PCBP3: variants seen among roughly 807,000 people sequenced by gnomAD.
The protein encoded by PCBP3 is poly(rC)-binding protein 3.
In PCBP3, 25 loss-of-function variants were observed where a neutral mutation model predicts 52.7. That is an observed-to-expected ratio of 0.47 (90% CI 0.35 to 0.66). PCBP3 has a LOEUF of 0.66. PCBP3 is among the 30% of genes least tolerant of loss of function. PCBP3 has a pLI of 0.01. For missense variants in PCBP3, 391 were observed against 490.3 expected (o/e 0.80, Z 1.91); for synonymous variants, 162 against 183.0 (o/e 0.89, Z 0.93).
intron 9 of PCBP3, among the ~76,000 whole-genome samples, chr21:45,908,688 G>A (rs1381776793): frequency 1.3e-5 from 2 of 152,132 alleles, no homozygotes; most frequent in African/African-American, 2.4e-5. Flanking sequence ...AGCGAGCTCC[G>A]GGCCACAGCC....
chr21:45,734,237 G>T (rs1342248298), intron 2 of PCBP3, among the ~76,000 whole-genome samples: 2 of 152,174 alleles, frequency 1.3e-5, no homozygotes, highest in African/African-American at 4.8e-5. Flanking sequence ...CAGCCTAGTT[G>T]TTGGGAGTAG....
intron 2 of PCBP3, among the ~76,000 whole-genome samples, chr21:45,721,584 C>T (rs2084645984): frequency 6.6e-6 from 1 of 152,062 alleles, no homozygotes; most frequent in Admixed American, 6.6e-5. Context: ...TTATTAGGTT[C>T]ATTTTAAAGT....
intron 9 of PCBP3, among the ~76,000 whole-genome samples, chr21:45,906,176 C>T (rs967651913): frequency 2.6e-5 from 4 of 152,194 alleles, no homozygotes; most frequent in Non-Finnish European, 5.9e-5. Flanking sequence ...CTAGCGGCAG[C>T]CCTGGAGGGG....
chr21:45,912,714 TG>T (rs548458021), intron 11 of PCBP3, among the ~76,000 whole-genome samples: 89 of 152,124 alleles, frequency 5.9e-4, no homozygotes, highest in Non-Finnish European at 9.6e-4. Context: ...TGTGCCTGGG[TG>T]GGGGTCGAGG....
rs113673500 is a variant in PCBP3, at chr21:45,650,903, C to A, written c.-279+7035C>A. On this transcript the variant is annotated intron_variant, in intron 1 of 17. Coordinates refer to ENST00000681687, the MANE Select transcript of PCBP3 (RefSeq NM_001384156.1). ...GCCAGAAGGAGTCATTCTGGCCATA[C>A]CTAATTTCAGATGGGGCGGGGTGGT... 2.6e-3 allele frequency among the ~76,000 whole-genome samples: 399 copies of A among 152,274 alleles called. 3 individuals are homozygous for A. The highest frequency in any genetic ancestry group is 9.0e-3 in the African/African-American group (376 of 41,550).
intron 3 of PCBP3, among the ~76,000 whole-genome samples, 200 bp from the exon 4 acceptor site, chr21:45,755,217 G>A (rs1331547586): frequency 2.0e-5 from 3 of 152,122 alleles, no homozygotes; most frequent in Non-Finnish European, 2.9e-5. Context: ...TTTTGACTCT[G>A]CTTTATCCCT....
rs572487659 is a variant in PCBP3 at position 45,737,634 on chromosome 21, C to T, written c.-162+2205C>T. Among the ~76,000 whole-genome samples, 7 of 152,194 alleles carry T rather than the reference C, an allele frequency of 4.6e-5. No individual in the cohort carries two copies. Among genetic ancestry groups the T allele is most frequent in the South Asian group, 2.1e-4 (1 of 4,832 alleles). On this transcript the variant is annotated intron_variant, in intron 3 of 17. Transcript: ENST00000681687. This position sits in a 1 kb window ranked among gnomAD's most constrained non-coding sequence, Gnocchi z 4.9. ...GAGCAAGCAGTGCAGGTGGACCCAT[C>T]GCCTGCCAGCATGTGGGTTCTGGAG...
Position 45,777,304 on chromosome 21 carries a change from C to A in PCBP3, c.-126+21852C>A, listed in dbSNP as rs190954579. ...TTTGCTGTCAGTCTGAAGGGATTTC[C>A]TTTATAGATGACTAGATGCTTTTCT... On this transcript the variant is annotated intron_variant, in intron 4 of 17. Transcript: ENST00000681687. Among the ~76,000 whole-genome samples the A allele has an allele frequency of 3.4e-3, 451 of 134,462 alleles. 1 individual carries two copies. Among genetic ancestry groups the A allele is most frequent in the African/African-American group, 0.01 (415 of 40,784 alleles). The allele number at this position is 134,462 out of a possible 152,430, so 88.2% of individuals were successfully genotyped here.
At chr21:45,929,848 G>A (rs1198491462) in intron 13 of PCBP3, 69 bp from the exon 14 acceptor site, 24 of 1,185,372 alleles carry the variant, frequency 2.0e-5, no homozygotes, top group South Asian at 8.6e-5. Context: ...TGTTACTGCC[G>A]TTTTAATTTG....
chr21:45,823,344 G>A (rs1352894068), intron 4 of PCBP3, among the ~76,000 whole-genome samples: 2 of 152,144 alleles, frequency 1.3e-5, no homozygotes, highest in Non-Finnish European at 2.9e-5. Context: ...TCCTTCAGGG[G>A]ACCTTCCACA....
At chr21:45,659,301 C>CATA (rs2080225903) in intron 1 of PCBP3, among the ~76,000 whole-genome samples, 1 of 143,052 alleles carries the variant, frequency 7.0e-6, no homozygotes. Context: ...TACTGCCTTT[C>CATA]ATAAGTTTTG....
intron 2 of PCBP3, among the ~76,000 whole-genome samples, chr21:45,721,882 G>A (rs181714856): frequency 6.6e-6 from 1 of 152,292 alleles, no homozygotes; most frequent in Admixed American, 6.5e-5. Context: ...CACAGAAACT[G>A]GAGTCACTTT....
intron 2 of PCBP3, among the ~76,000 whole-genome samples, chr21:45,674,721 T>C (rs2081364245): frequency 6.6e-6 from 1 of 152,208 alleles, no homozygotes; most frequent in African/African-American, 2.4e-5. Context: ...ATTATTCATA[T>C]GATTAGTGTG....
intron 10 of PCBP3, 128 bp downstream of exon 10, chr21:45,909,614 C>G: frequency 1.2e-6 from 1 of 841,838 alleles, no homozygotes; most frequent in Non-Finnish European, 1.8e-6. Flanking sequence ...GCCACGCAGA[C>G]CCCACAGCTC....
intron 2 of PCBP3, among the ~76,000 whole-genome samples, chr21:45,693,040 A>G (rs1389154888): frequency 6.6e-6 from 1 of 152,206 alleles, no homozygotes; most frequent in Non-Finnish European, 1.5e-5. Flanking sequence ...AAAACCAGAC[A>G]ATTATTTCAA....
chr21:45,914,448 A>G (rs1419960125), intron 12 of PCBP3: 2 of 357,346 alleles, frequency 5.6e-6, no homozygotes, highest in Non-Finnish European at 1.0e-5. Context: ...TGCTTGTAGC[A>G]GGGACGTGCG....
intron 4 of PCBP3, among the ~76,000 whole-genome samples, chr21:45,816,970 A>G (rs982947840): frequency 1.3e-5 from 2 of 152,126 alleles, no homozygotes; most frequent in Non-Finnish European, 2.9e-5. Flanking sequence ...TAAGGAGGCC[A>G]CAGCGTTGCA....
chr21:45,783,850 T>C (rs1370377294), intron 4 of PCBP3, among the ~76,000 whole-genome samples: 9 of 152,206 alleles, frequency 5.9e-5, no homozygotes, highest in Non-Finnish European at 1.3e-4. Flanking sequence ...CTCCTCACCC[T>C]TGGGGAGCCA....
chr21:45,804,564 A>AC (rs1284385629), intron 4 of PCBP3, among the ~76,000 whole-genome samples: 1 of 151,846 alleles, frequency 6.6e-6, no homozygotes, highest in Non-Finnish European at 1.5e-5. Flanking sequence ...TTTATTCTGC[A>AC]CCCCCCTGAC....
Sources: allele counts gnomAD v4.1 joint callset (sites outside exome capture counted in the v4.1 genomes callset), GRCh38; gene constraint gnomAD v4.1.1; non-coding constraint Gnocchi (gnomAD v3.1); transcripts MANE v1.5; gene names NCBI Gene and HGNC (gene_info 2026-07-23, HGNC 2026-07-21).